Variants in KIFC3 observed in about 807,000 individuals in gnomAD.
KIFC3 encodes kinesin-like protein KIFC3.
A neutral mutation model predicts 101.8 loss-of-function variants in KIFC3; 60 were observed. That is an observed-to-expected ratio of 0.59 (90% CI 0.48 to 0.73). The LOEUF (loss-of-function observed/expected upper bound fraction) is 0.73. Among genes scored for constraint, KIFC3 ranks in the 30% least tolerant of loss-of-function variants. The pLI is 0.00. For synonymous variants in KIFC3, 476 were observed against 482.7 expected (o/e 0.99, Z 0.18); for missense variants, 966 against 1,137.1 (o/e 0.85, Z 2.16).
At chr16:57,850,030 G>A (rs1395042666) in intron 1 of KIFC3, among the ~76,000 whole-genome samples, 1 of 152,096 alleles carries the variant, frequency 6.6e-6, no homozygotes, top group Non-Finnish European at 1.5e-5. Context: ...GGAGTTTGAG[G>A]CTGTAGTGAG....
intron 3 of KIFC3, among the ~76,000 whole-genome samples, chr16:57,781,507 C>T (rs2052734736): frequency 6.6e-6 from 1 of 152,212 alleles, no homozygotes; most frequent in Non-Finnish European, 1.5e-5. Flanking sequence ...CTGTGGTCAC[C>T]AGACCAAGAT....
At chr16:57,834,260 AT>A in intron 1 of KIFC3, among the ~76,000 whole-genome samples, 1 of 152,326 alleles carries the variant, frequency 6.6e-6, no homozygotes, top group Non-Finnish European at 1.5e-5. Context: ...ATCTGTGAAA[AT>A]AATCTCCCAG....
At chr16:57,821,169 A>G (rs920876764) in intron 1 of KIFC3, among the ~76,000 whole-genome samples, 2 of 152,056 alleles carry the variant, frequency 1.3e-5, no homozygotes, top group African/African-American at 2.4e-5. Flanking sequence ...TCACAGATAA[A>G]TAACCCAAAG....
chr16:57,808,552 ATT>A (rs1294675470), intron 1 of KIFC3, among the ~76,000 whole-genome samples: 2 of 149,960 alleles, frequency 1.3e-5, no homozygotes, highest in Non-Finnish European at 3.0e-5. Flanking sequence ...TGAACTTAAA[ATT>A]TTTTTTTTTC....
At chr16:57,771,979 A>G (rs2051288305) in intron 4 of KIFC3, among the ~76,000 whole-genome samples, 1 of 152,142 alleles carries the variant, frequency 6.6e-6, no homozygotes, top group South Asian at 2.1e-4. Flanking sequence ...AAGGAGAGAC[A>G]TATTTATACC....
chr16:57,777,388 G>GA (rs1449810069), intron 3 of KIFC3, among the ~76,000 whole-genome samples: 1 of 152,204 alleles, frequency 6.6e-6, no homozygotes, highest in Non-Finnish European at 1.5e-5. Flanking sequence ...TTGAAAGACT[G>GA]AAGGTCTCAC....
At position 57,761,492 on chromosome 16, in the gene KIFC3, A is replaced by G. The variant is rs1243253648; in HGVS notation, c.1793T>C (p.Leu598Pro). 6.2e-7 allele frequency: 1 copy of G among 1,613,866 alleles called. No individual in the cohort carries two copies. The highest frequency in any genetic ancestry group is 1.7e-5 in the Admixed American group (1 of 60,006). ...CAGCTGCCCACTGCCGTCTGGGCAC[A>G]GCCGGATCTCCAGTTTTTCCTGAGG... is the stretch of plus-strand genomic sequence containing the variant. ...KEPQEKLEIR[L>P]CPDGSGQLYV... is the part of the protein sequence containing the mutation. Residue 598 changes from leucine to proline, a missense_variant, in exon 14 of 20, where the codon CTG becomes CCG. Leu to Pro is a moderately conservative substitution (Grantham distance 98). Around this residue, in one of 2 missense-constraint regions of KIFC3, gnomAD observed 689 missense variants for 884.6 expected, o/e 0.78. Coordinates refer to ENST00000445690, the MANE Select transcript of KIFC3 (RefSeq NM_001130100.2).
chr16:57,781,265 T>A, intron 3 of KIFC3, among the ~76,000 whole-genome samples: 1 of 152,028 alleles, frequency 6.6e-6, no homozygotes, highest in East Asian at 1.9e-4. Context: ...CAGTGAGCTG[T>A]GATCACGCCC....
At chr16:57,862,012 G>A (rs1208669545) in intron 1 of KIFC3, among the ~76,000 whole-genome samples, 2 of 151,972 alleles carry the variant, frequency 1.3e-5, no homozygotes, top group Non-Finnish European at 2.9e-5. Context: ...CTGAAGGAGT[G>A]GAAGTACTGG....
rs1452792050 is a variant in KIFC3, at chr16:57,762,190, CCAGT to C, written c.1694_1697del (p.Asp565GlyfsTer21). 6.2e-7 allele frequency: 1 copy of C among 1,611,386 alleles called. No homozygotes were observed. The highest frequency in any genetic ancestry group is 1.7e-5 in the Admixed American group (1 of 59,950). ...CAGCGCTGACGGTGATGGTGTACTC[CCAGT>C]CAGACGCCTTCTCCTGCACCTCGGA... On this transcript the variant is annotated frameshift_variant, in exon 13 of 20. Transcript: ENST00000445690. LOFTEE classifies it high-confidence loss of function.
intron 1 of KIFC3, among the ~76,000 whole-genome samples, chr16:57,844,657 C>G (rs1215737546): frequency 6.6e-6 from 1 of 152,064 alleles, no homozygotes; most frequent in African/African-American, 2.4e-5. Context: ...CTCTCCCCAC[C>G]GCCCCCTCCG....
At chr16:57,763,250 G>A (rs1279027775) in intron 12 of KIFC3, among the ~76,000 whole-genome samples, 3 of 152,256 alleles carry the variant, frequency 2.0e-5, no homozygotes, top group African/African-American at 7.2e-5. Context: ...GAGGATGAAC[G>A]CTCTGATGTT....
Position 57,769,673 on chromosome 16 carries a change from G to A in KIFC3, c.1140C>T (p.Asn380=), listed in dbSNP as rs782371783. The part of the protein sequence containing the change: ...TLQPALRTLT[N]DYNGLKRQVR... ...CCTGCCGCTTGAGCCCATTGTAGTC[G>A]TTGGTGAGGGTCCGCAGTGCCGGCT... Residue 380 remains asparagine (N), a synonymous_variant, in exon 9 of 20, where the codon AAC becomes AAT. Transcript: ENST00000445690. The surrounding 1 kb of genome is among the most constrained non-coding windows in gnomAD (Gnocchi z 4.3). 2.4e-5 allele frequency: 39 copies of A among 1,612,236 alleles called. No individual in the cohort carries two copies. The highest frequency in any genetic ancestry group is 2.0e-4 in the Middle Eastern group (1 of 5,112).
chr16:57,842,745 A>G (rs549479387), intron 1 of KIFC3, among the ~76,000 whole-genome samples: 1 of 152,220 alleles, frequency 6.6e-6, no homozygotes, highest in Non-Finnish European at 1.5e-5. Flanking sequence ...GAGGTTTAGG[A>G]GATGTTTTGT....
At chr16:57,849,423 T>C (rs2056001979) in intron 1 of KIFC3, among the ~76,000 whole-genome samples, 1 of 152,218 alleles carries the variant, frequency 6.6e-6, no homozygotes, top group African/African-American at 2.4e-5. Context: ...GCCTTTACTT[T>C]GTTATTACTG....
chr16:57,794,930 T>C lies in KIFC3; in HGVS notation c.315+69A>G. The C allele has an allele frequency of 2.1e-6, 3 of 1,419,246 alleles. No homozygotes were observed. In the South Asian group the frequency reaches 4.4e-5, roughly 21 times the overall value. 87.9% of individuals were successfully genotyped at this position (1,419,246 alleles called of 1,614,324 possible). On this transcript the variant is annotated intron_variant, in intron 3 of 19. Coordinates refer to ENST00000445690, the MANE Select transcript of KIFC3 (RefSeq NM_001130100.2). Reference sequence around the variant, plus strand: ...CAGGTGCTTCCTACCCCCAGAAGCCTGGCAGGAACCCAGCCACTGGAGCTC... The same window carrying C: ...CAGGTGCTTCCTACCCCCAGAAGCCCGGCAGGAACCCAGCCACTGGAGCTC...
chr16:57,784,884 C>T (rs2053158397), intron 3 of KIFC3, among the ~76,000 whole-genome samples: 1 of 152,130 alleles, frequency 6.6e-6, no homozygotes, highest in African/African-American at 2.4e-5. Flanking sequence ...CCAATGGTAC[C>T]CAAATGTCCT....
At chr16:57,810,769 C>T (rs1379307442) in intron 1 of KIFC3, 7 of 778,658 alleles carry the variant, frequency 9.0e-6, no homozygotes, top group East Asian at 1.3e-4. Flanking sequence ...ATTCAATCCC[C>T]GCAACAACAT....
chr16:57,828,472 G>A (rs1033267928), intron 1 of KIFC3, among the ~76,000 whole-genome samples: 1 of 152,218 alleles, frequency 6.6e-6, no homozygotes, highest in Non-Finnish European at 1.5e-5. Flanking sequence ...CGTGGGTGGC[G>A]GGAGGGAGAG....
Sources: gnomAD v4.1 joint callset for allele counts (sites outside exome capture counted in the v4.1 genomes callset) on GRCh38, gnomAD v4.1.1 for gene constraint, gnomAD v4.1.1 regional missense constraint, Gnocchi (gnomAD v3.1) non-coding constraint, MANE v1.5 for transcripts, NCBI Gene and HGNC (gene_info 2026-07-23, HGNC 2026-07-21) for gene names.